KCNH8: variants seen among roughly 807,000 people sequenced by gnomAD.
KCNH8 encodes potassium voltage-gated channel subfamily H member 8.
KCNH8 carries 70 observed loss-of-function variants against 103.6 expected under a neutral mutation model. That is an observed-to-expected ratio of 0.68 (90% CI 0.56 to 0.82). The LOEUF is 0.82. Ranked by LOEUF, KCNH8 falls within the 40% of genes least tolerant of loss-of-function variation. KCNH8 has a pLI of 0.00. For synonymous variants in KCNH8, 498 were observed against 489.4 expected, an observed-to-expected ratio of 1.02 and a Z score of -0.23; for missense variants, 1,217 against 1,329.9, an observed-to-expected ratio of 0.92 and a Z score of 1.32.
chr3:19,276,155 A>G (rs2064667003), intron 2 of KCNH8, among the ~76,000 whole-genome samples: 1 of 144,546 alleles, frequency 6.9e-6, no homozygotes, highest in Admixed American at 7.0e-5. Context: ...CTCTTTCCCC[A>G]CTCCCACCCC....
intron 3 of KCNH8, among the ~76,000 whole-genome samples, chr3:19,318,931 T>C (rs1458198949): frequency 6.6e-6 from 1 of 151,996 alleles, no homozygotes; most frequent in Non-Finnish European, 1.5e-5. Context: ...TCCATATGCA[T>C]GTTGGCCATT....
chr3:19,428,953 T>C (rs1458141698), intron 7 of KCNH8, among the ~76,000 whole-genome samples: 1 of 152,062 alleles, frequency 6.6e-6, no homozygotes, highest in Non-Finnish European at 1.5e-5. Context: ...TTCTTATTTT[T>C]CAAAATGACT....
chr3:19,410,107 C>T (rs1417153123), intron 7 of KCNH8, among the ~76,000 whole-genome samples: 1 of 151,940 alleles, frequency 6.6e-6, no homozygotes, highest in African/African-American at 2.4e-5. Context: ...GGAACATACT[C>T]CAAGAAATCA....
intron 11 of KCNH8, among the ~76,000 whole-genome samples, chr3:19,471,312 T>C (rs1404461280): frequency 6.6e-6 from 1 of 152,166 alleles, no homozygotes; most frequent in Non-Finnish European, 1.5e-5. Context: ...AAAAACAACC[T>C]ACTGCTATAT....
intron 5 of KCNH8, among the ~76,000 whole-genome samples, chr3:19,377,048 A>T (rs1424754953): frequency 6.6e-6 from 1 of 152,242 alleles, no homozygotes; most frequent in African/African-American, 2.4e-5. Flanking sequence ...TGTCAATAGA[A>T]CAAATGTCTA....
At chr3:19,328,592 C>A (rs969488042) in intron 3 of KCNH8, among the ~76,000 whole-genome samples, 5 of 151,750 alleles carry the variant, frequency 3.3e-5, no homozygotes, top group African/African-American at 1.2e-4. Context: ...CCAGAGACAG[C>A]GTTAGTCAAT....
chr3:19,299,831 A>G (rs2065043087), intron 3 of KCNH8, among the ~76,000 whole-genome samples: 1 of 151,956 alleles, frequency 6.6e-6, no homozygotes, highest in Non-Finnish European at 1.5e-5. Flanking sequence ...CTATTTTAAT[A>G]TATTTTAATA....
chr3:19,159,181 A>C (rs570694293), intron 1 of KCNH8, among the ~76,000 whole-genome samples: 1 of 151,976 alleles, frequency 6.6e-6, no homozygotes, highest in African/African-American at 2.4e-5. Flanking sequence ...AATATAATGA[A>C]TTCAACAGAT....
At chr3:19,455,777 T>C (rs545468580) in intron 10 of KCNH8, among the ~76,000 whole-genome samples, 2 of 152,168 alleles carry the variant, frequency 1.3e-5, no homozygotes, top group African/African-American at 4.8e-5. Context: ...GCTAATGTCA[T>C]TGTGACTGAA....
At chr3:19,356,863 A>G (rs1559490496) in intron 5 of KCNH8, among the ~76,000 whole-genome samples, 1 of 151,914 alleles carries the variant, frequency 6.6e-6, no homozygotes, top group South Asian at 2.1e-4. Flanking sequence ...ATGAGGCAGA[A>G]AATGAGAAAA....
chr3:19,501,136 A>C (rs970937077), intron 11 of KCNH8, among the ~76,000 whole-genome samples: 2 of 152,200 alleles, frequency 1.3e-5, no homozygotes, highest in African/African-American at 4.8e-5. Context: ...CCATCAGAGA[A>C]TACTACAAAC....
At chr3:19,317,128 G>C (rs2125301121) in intron 3 of KCNH8, among the ~76,000 whole-genome samples, 1 of 151,790 alleles carries the variant, frequency 6.6e-6, no homozygotes, top group Middle Eastern at 3.4e-3. Context: ...GCAAAAGGGG[G>C]TCCCAGAACC....
intron 1 of KCNH8, among the ~76,000 whole-genome samples, chr3:19,213,989 G>A (rs1284465554): frequency 6.6e-6 from 1 of 152,152 alleles, no homozygotes; most frequent in African/African-American, 2.4e-5. Context: ...CCACTGAAGT[G>A]CTCCTATTGC....
chr3:19,433,072 C>G (rs1488269472), intron 7 of KCNH8, among the ~76,000 whole-genome samples: 1 of 152,068 alleles, frequency 6.6e-6, no homozygotes, highest in Admixed American at 6.6e-5. Flanking sequence ...ACTGTACAAT[C>G]TTTCAATTCA....
intron 15 of KCNH8, among the ~76,000 whole-genome samples, chr3:19,530,117 G>A (rs181952664): frequency 1.1e-4 from 16 of 152,238 alleles, no homozygotes; most frequent in Admixed American, 2.0e-4. Flanking sequence ...TGTATCTCAT[G>A]GAGGTAGAGA....
chr3:19,460,563 T>C (rs1031142203), intron 11 of KCNH8, among the ~76,000 whole-genome samples: 1 of 152,168 alleles, frequency 6.6e-6, no homozygotes, highest in Non-Finnish European at 1.5e-5. Context: ...TTCTATTCTA[T>C]CTTACAATGA....
At chr3:19,382,291 C>T (rs946777707) in intron 5 of KCNH8, among the ~76,000 whole-genome samples, 19 of 152,020 alleles carry the variant, frequency 1.2e-4, no homozygotes, top group Admixed American at 9.2e-4. Flanking sequence ...TTTTGGTGGC[C>T]GTATACAGAC....
chr3:19,467,311 A>ACG (rs1380803583), intron 11 of KCNH8, among the ~76,000 whole-genome samples: 1 of 151,816 alleles, frequency 6.6e-6, no homozygotes, highest in Non-Finnish European at 1.5e-5. Context: ...ACACACACAC[A>ACG]CACACACACA....
chr3:19,428,671 A>G (rs2067065368), intron 7 of KCNH8, among the ~76,000 whole-genome samples: 2 of 152,230 alleles, frequency 1.3e-5, no homozygotes, highest in Non-Finnish European at 2.9e-5. Context: ...TGTGTTCTCC[A>G]TTTTAGTGAG....
Sources: gnomAD v4.1 joint callset for allele counts (sites outside exome capture counted in the v4.1 genomes callset) on GRCh38, gnomAD v4.1.1 for gene constraint, MANE v1.5 for transcripts, NCBI Gene and HGNC (gene_info 2026-07-23, HGNC 2026-07-21) for gene names.